The following FGF3 variants were observed in gnomAD, a reference collection of about 807,000 sequenced individuals.
FGF3 encodes the protein FGF-3.
In FGF3, 7 loss-of-function variants were observed where a neutral mutation model predicts 9.8. The observed-to-expected ratio is 0.72, with a 90% CI of 0.41 to 1.35. The LOEUF (loss-of-function observed/expected upper bound fraction) is 1.35, where lower values mean the gene tolerates loss of function less well. FGF3 is among the 40% of genes most tolerant of loss of function. The pLI, the probability that FGF3 is intolerant of heterozygous loss-of-function variation, is 0.01. For synonymous variants in FGF3, 173 were observed against 157.2 expected (o/e 1.10, Z -0.75); for missense variants, 390 against 345.6 (o/e 1.13, Z -1.02).
At chr11:69,812,446 G>A (rs1342235034) in intron 2 of FGF3, among the ~76,000 whole-genome samples, 1 of 152,238 alleles carries the variant, frequency 6.6e-6, no homozygotes, top group East Asian at 1.9e-4. Flanking sequence ...CTGCTCTCCA[G>A]CCCTCTTGGA....
chr11:69,818,236 CAGG>C (rs1432537546), intron 1 of FGF3, among the ~76,000 whole-genome samples: 7 of 152,134 alleles, frequency 4.6e-5, no homozygotes, highest in East Asian at 3.9e-4. Flanking sequence ...CAGGGGTCGG[CAGG>C]AGGAGGAGAA....
rs982947529 is a variant in FGF3 at position 69,810,147 on chromosome 11, C to T, written c.*158G>A. ...CCCTCCGAGCTCCGACTTGGGCCCT[C>T]TTCAGTTCCCACTGGACCCTGATTT... On this transcript the variant is annotated 3_prime_UTR_variant, in exon 3 of 3. Transcript: ENST00000334134. The T allele has an allele frequency of 1.4e-6, 1 of 724,384 alleles. No homozygotes were observed. Among genetic ancestry groups the T allele is most frequent in the Non-Finnish European group, 2.2e-6 (1 of 461,336 alleles). The allele number at this position is 724,384 out of a possible 1,614,324, so 44.9% of individuals were successfully genotyped here.
chr11:69,818,450 C>A (rs1286017156), intron 1 of FGF3, among the ~76,000 whole-genome samples: 1 of 152,146 alleles, frequency 6.6e-6, no homozygotes, highest in African/African-American at 2.4e-5. Flanking sequence ...CGGACGTGAA[C>A]GCCCATGCCC....
At position 69,810,658 on chromosome 11, in the gene FGF3, C is replaced by A. The variant is rs1856013992; in HGVS notation, c.367G>T (p.Glu123Ter). ...GAGGCATACGTATTATAGCCCAGCT[C>A]GTGGATCCGCTCCACAAACTCGCAC... is the stretch of plus-strand genomic sequence containing the variant. Reference protein sequence around the residue: ...AECEFVERIHELGYNTYASRL... With the variant: ...AECEFVERIH Residue 123 changes from glutamate to a stop codon, truncating the protein, a stop_gained, in exon 3 of 3, where the codon GAG becomes TAG. Transcript: ENST00000334134. LOFTEE classifies it low-confidence loss of function (END_TRUNC). 6.3e-7 allele frequency: 1 copy of A among 1,591,820 alleles called. No homozygotes were observed. Among genetic ancestry groups the A allele is most frequent in the Non-Finnish European group, 8.6e-7 (1 of 1,165,514 alleles).
chr11:69,810,736 G>A (rs782585697), intron 2 of FGF3, 36 bp from the exon 3 acceptor site: 2 of 1,516,394 alleles, frequency 1.3e-6, no homozygotes, highest in Non-Finnish European at 1.8e-6. Context: ...GTGCCCCGGG[G>A]AGACTGTGGC....
intron 2 of FGF3, among the ~76,000 whole-genome samples, chr11:69,813,312 G>A (rs1590962777): frequency 6.6e-6 from 1 of 152,162 alleles, no homozygotes; most frequent in Admixed American, 6.5e-5. Flanking sequence ...AGCCGGAGGA[G>A]GCTCAACCTC....
At chr11:69,811,534 G>T (rs782770097) in intron 2 of FGF3, among the ~76,000 whole-genome samples, 11 of 151,782 alleles carry the variant, frequency 7.2e-5, no homozygotes, top group Non-Finnish European at 1.5e-4. Flanking sequence ...AGGAAGGGAA[G>T]GGGACACAGC....
Position 69,816,309 on chromosome 11 carries a change from C to T in FGF3, c.324+11G>A, listed in dbSNP as rs141429757. 7,628 of 1,606,608 alleles carry T rather than the reference C, an allele frequency of 4.7e-3. 33 individuals are homozygous for T. The highest frequency in any genetic ancestry group is 5.6e-3 in the Non-Finnish European group (6,581 of 1,173,228). On this transcript the variant is annotated intron_variant, in intron 2 of 2. Coordinates refer to ENST00000334134, the MANE Select transcript of FGF3 (RefSeq NM_005247.4). Reference sequence around the variant, plus strand: ...CCGTCAGCGCCCACCCACGTGACAGCCTGGACTCACCGAAGCATAGAGTCG... The same window carrying T: ...CCGTCAGCGCCCACCCACGTGACAGTCTGGACTCACCGAAGCATAGAGTCG...
chr11:69,815,201 G>A (rs1403556586), intron 2 of FGF3, among the ~76,000 whole-genome samples: 5 of 151,514 alleles, frequency 3.3e-5, no homozygotes, highest in African/African-American at 9.7e-5. Flanking sequence ...ATGGATGGAT[G>A]GATAGGTGGA....
chr11:69,817,181 G>C (rs1437712442), intron 1 of FGF3, among the ~76,000 whole-genome samples: 1 of 152,034 alleles, frequency 6.6e-6, no homozygotes, highest in Non-Finnish European at 1.5e-5. Flanking sequence ...ATCAAAGGAC[G>C]GGTTGGGGTC....
chr11:69,811,276 C>T (rs1856025103), intron 2 of FGF3, among the ~76,000 whole-genome samples: 1 of 151,868 alleles, frequency 6.6e-6, no homozygotes, highest in Admixed American at 6.6e-5. Context: ...GGCAAAACCC[C>T]GTCTCTACTA....
At chr11:69,811,612 C>T (rs1402905153) in intron 2 of FGF3, among the ~76,000 whole-genome samples, 1 of 152,138 alleles carries the variant, frequency 6.6e-6, no homozygotes, top group Non-Finnish European at 1.5e-5. Flanking sequence ...GTCATTGACC[C>T]CTGAGCAACA....
Position 69,818,945 on chromosome 11 carries a change from G to A in FGF3, c.-12C>T. 2 of 1,453,492 alleles carry A rather than the reference G, an allele frequency of 1.4e-6. No individual in the cohort carries two copies. Among genetic ancestry groups the A allele is most frequent in the Non-Finnish European group, 1.8e-6 (2 of 1,105,284 alleles). The allele number at this position is 1,453,492 out of a possible 1,614,324, so 90.0% of individuals were successfully genotyped here. A position where few individuals can be genotyped will look rare whatever the true frequency, so the allele number is the denominator to read the frequency against. On this transcript the variant is annotated 5_prime_UTR_variant, in exon 1 of 3. Transcript: ENST00000334134. The stretch of plus-strand genomic sequence containing the variant: ...CAGATTAGGCCCATCGTGGCATCGC[G>A]CCCGCCCCGCGGCGGCGGCGGCTGC...
chr11:69,814,131 G>T (rs1554980830), intron 2 of FGF3, among the ~76,000 whole-genome samples: 1 of 152,042 alleles, frequency 6.6e-6, no homozygotes, highest in Non-Finnish European at 1.5e-5. Flanking sequence ...TAAAGGAAGG[G>T]GAAAGAAGGA....
At chr11:69,817,798 C>A (rs1489629987) in intron 1 of FGF3, among the ~76,000 whole-genome samples, 1 of 152,252 alleles carries the variant, frequency 6.6e-6, no homozygotes, top group Non-Finnish European at 1.5e-5. Context: ...ACGCTCCCCA[C>A]GCGGTCCTCC....
intron 2 of FGF3, among the ~76,000 whole-genome samples, chr11:69,813,404 G>C (rs563514244): frequency 6.6e-6 from 1 of 152,330 alleles, no homozygotes; most frequent in Admixed American, 6.5e-5. Flanking sequence ...GGATGCCTGC[G>C]CATCATGGGA....
At position 69,818,679 on chromosome 11, in the gene FGF3, G is replaced by T. The variant is rs1283777012; in HGVS notation, c.220+35C>A. 30 of 1,425,886 alleles carry T rather than the reference G, an allele frequency of 2.1e-5. No individual in the cohort carries two copies. In the African/African-American group the frequency reaches 3.9e-4, roughly 18 times the overall value. The allele number at this position is 1,425,886 out of a possible 1,614,324, so 88.3% of individuals were successfully genotyped here. The stretch of plus-strand genomic sequence containing the variant: ...CCCGGGCCCGACCCCTCCCGGCGCC[G>T]CTTCCCCCGGGGCCCCGCAGCGTCC... On this transcript the variant is annotated intron_variant, in intron 1 of 2. Transcript: ENST00000334134.
chr11:69,816,534 C>CT, intron 1 of FGF3, 111 bp from the exon 2 acceptor site: 2 of 759,584 alleles, frequency 2.6e-6, no homozygotes, highest in Non-Finnish European at 4.6e-6. Flanking sequence ...GGGAGGGTAG[C>CT]ACACACCCCA....
At chr11:69,811,037 T>C (rs956116268) in intron 2 of FGF3, among the ~76,000 whole-genome samples, 3 of 152,220 alleles carry the variant, frequency 2.0e-5, no homozygotes, top group Non-Finnish European at 4.4e-5. Flanking sequence ...GGGTTGTCTG[T>C]GGAGCAGAGA....
Sources: allele counts gnomAD v4.1 joint callset (sites outside exome capture counted in the v4.1 genomes callset), GRCh38; gene constraint gnomAD v4.1.1; transcripts MANE v1.5; gene names NCBI Gene and HGNC (gene_info 2026-07-23, HGNC 2026-07-21).